Variants in EXT1 observed in about 807,000 individuals in gnomAD.
The protein encoded by EXT1 is exostosin-1.
Under a neutral mutation model 82.5 loss-of-function variants are expected in EXT1, and 20 were observed. The ratio of observed to expected loss-of-function variants is 0.24; its 90% CI spans 0.17 to 0.35. The LOEUF is 0.35. Among genes scored for constraint, EXT1 ranks in the 10% least tolerant of loss-of-function variants. The pLI is 1.00. For synonymous variants in EXT1, 348 were observed against 350.8 expected, an observed-to-expected ratio of 0.99 and a Z score of 0.09; for missense variants, 757 against 936.5, an observed-to-expected ratio of 0.81 and a Z score of 2.50.
intron 1 of EXT1, among the ~76,000 whole-genome samples, chr8:117,942,729 A>G (rs1482812909): frequency 6.6e-6 from 1 of 152,220 alleles, no homozygotes; most frequent in African/African-American, 2.4e-5. Context: ...CGAAAGAAAA[A>G]GAAAAAGAAG....
chr8:117,806,308 T>C (rs931099369), intron 9 of EXT1, among the ~76,000 whole-genome samples: 2 of 152,192 alleles, frequency 1.3e-5, no homozygotes, highest in African/African-American at 4.8e-5. Context: ...CCTCCTCCCC[T>C]GTCACTTAGA....
chr8:117,878,660 C>G (rs1379818695), intron 1 of EXT1, among the ~76,000 whole-genome samples: 1 of 152,224 alleles, frequency 6.6e-6, no homozygotes, highest in Non-Finnish European at 1.5e-5. Context: ...CTAGAACAAC[C>G]AATCTCTGCA....
chr8:118,028,172 T>C (rs1231530720), intron 1 of EXT1, among the ~76,000 whole-genome samples: 1 of 152,220 alleles, frequency 6.6e-6, no homozygotes, highest in Non-Finnish European at 1.5e-5. Flanking sequence ...ACGGGACAGA[T>C]GGCGAAAGTG....
chr8:117,846,982 T>C (rs1013201735), intron 1 of EXT1, among the ~76,000 whole-genome samples: 1 of 152,164 alleles, frequency 6.6e-6, no homozygotes. Flanking sequence ...GTGCTAACTC[T>C]CTATTGCTCA....
rs756701753 is a variant in EXT1 at position 117,830,275 on chromosome 8, C to T, written c.1239G>A (p.Glu413=). The change falls in exon 4 of 11, where the codon GAG becomes GAA. Residue 413 remains glutamate, a synonymous_variant. Transcript: ENST00000378204. ...ALRQQTQFLW[E]AYFSSVEKIV... Reference sequence around the variant, plus strand: ...TCTTCTCAACTGAAGAAAAATAAGCCTCCCACAAGAATTGTGTCTGCTGTC... The same window carrying T: ...TCTTCTCAACTGAAGAAAAATAAGCTTCCCACAAGAATTGTGTCTGCTGTC... 3 of 1,614,044 alleles carry T rather than the reference C, an allele frequency of 1.9e-6. No homozygotes were observed. The highest frequency in any genetic ancestry group is 8.5e-7 in the Non-Finnish European group (1 of 1,179,990).
chr8:118,025,444 T>C (rs17453854), intron 1 of EXT1, among the ~76,000 whole-genome samples: 50,079 of 152,014 alleles, frequency 0.33, 8,370 homozygotes, highest in South Asian at 0.45. Context: ...GAGAAGAGCT[T>C]GCTATTATTA....
intron 1 of EXT1, among the ~76,000 whole-genome samples, chr8:117,952,170 A>G (rs897400791): frequency 9.2e-5 from 14 of 152,214 alleles, no homozygotes; most frequent in Non-Finnish European, 2.1e-4. Context: ...CACCCAGCAC[A>G]CATCAGTCAT....
Position 117,799,588 on chromosome 8 carries a change from C to A in EXT1, c.*124G>T. Reference sequence around the variant, plus strand: ...TGGCCTTTTTTTTTTTGTCATTCTGCTCATCTAAGTTTTTGGATAGTTGGC... The same window carrying A: ...TGGCCTTTTTTTTTTTGTCATTCTGATCATCTAAGTTTTTGGATAGTTGGC... On this transcript the variant is annotated 3_prime_UTR_variant, in exon 11 of 11. Transcript: ENST00000378204. The A allele has an allele frequency of 9.2e-7, 1 of 1,086,784 alleles. No homozygotes were observed. 67.3% of individuals were successfully genotyped at this position (1,086,784 alleles called of 1,614,324 possible).
At chr8:117,948,826 G>T (rs1484683628) in intron 1 of EXT1, among the ~76,000 whole-genome samples, 1 of 152,206 alleles carries the variant, frequency 6.6e-6, no homozygotes, top group Non-Finnish European at 1.5e-5. Flanking sequence ...GGATGTGCTT[G>T]CATTCTTATG....
rs1168847747 is a variant in EXT1, at chr8:117,799,527, T to C, written c.*185A>G. 4.6e-6 allele frequency: 3 copies of C among 647,318 alleles called. No individual in the cohort carries two copies. Among genetic ancestry groups the C allele is most frequent in the East Asian group, 2.7e-5 (1 of 36,406 alleles). The allele number at this position is 647,318 out of a possible 1,614,324, so 40.1% of individuals were successfully genotyped here. ...CCAGTGAGGTGAGTTTGGAGCAGTC[T>C]GGTGCAGTCCCAGGAGCCAGGAGTT... On this transcript the variant is annotated 3_prime_UTR_variant, in exon 11 of 11. Transcript: ENST00000378204.
intron 1 of EXT1, among the ~76,000 whole-genome samples, chr8:118,086,451 T>C (rs1010027409): frequency 6.6e-6 from 1 of 152,236 alleles, no homozygotes; most frequent in South Asian, 2.1e-4. Context: ...TAAGGACTAA[T>C]TGCACATCCA....
chr8:117,998,976 A>T (rs1364170247), intron 1 of EXT1, among the ~76,000 whole-genome samples: 1 of 152,208 alleles, frequency 6.6e-6, no homozygotes, highest in Non-Finnish European at 1.5e-5. Flanking sequence ...TCATGTATAA[A>T]CACAAAGCCA....
intron 1 of EXT1, among the ~76,000 whole-genome samples, chr8:117,837,914 G>C (rs1812214480): frequency 6.6e-6 from 1 of 151,518 alleles, no homozygotes; most frequent in African/African-American, 2.4e-5. Flanking sequence ...CAGAAGAGAT[G>C]AATTTATTTT....
chr8:117,914,751 A>T (rs1259164364), intron 1 of EXT1, among the ~76,000 whole-genome samples: 2 of 152,158 alleles, frequency 1.3e-5, no homozygotes, highest in East Asian at 1.9e-4. Context: ...TTGTGGTCAG[A>T]CCGGTTCTCT....
chr8:118,075,547 A>G (rs1817192166), intron 1 of EXT1, among the ~76,000 whole-genome samples: 2 of 152,248 alleles, frequency 1.3e-5, no homozygotes, highest in East Asian at 3.9e-4. Context: ...GCAGTGGGTC[A>G]TTGTTCTGGG....
rs371334884 is a variant in EXT1, at chr8:117,814,521, AG to A, written c.1633-1561del. Reference sequence around the variant, plus strand: ...GAGGGAAACTGAGATACACAGGTTAAGTATCTTGCCCAAAACGGACCCAGGA... The same window carrying A: ...GAGGGAAACTGAGATACACAGGTTAATATCTTGCCCAAAACGGACCCAGGA... On this transcript the variant is annotated intron_variant, in intron 7 of 10. Coordinates refer to ENST00000378204, the MANE Select transcript of EXT1 (RefSeq NM_000127.3). Among the ~76,000 whole-genome samples the A allele has an allele frequency of 6.7e-3, 1,023 of 152,290 alleles. 17 individuals carry two copies. Among genetic ancestry groups the A allele is most frequent in the African/African-American group, 0.023 (976 of 41,560 alleles).
chr8:117,901,370 T>C (rs543780397), intron 1 of EXT1, among the ~76,000 whole-genome samples: 28 of 152,134 alleles, frequency 1.8e-4, no homozygotes, highest in Non-Finnish European at 3.7e-4. Flanking sequence ...ACAGTAAAAA[T>C]AGGATATAAA....
At chr8:117,911,006 C>T (rs1473534711) in intron 1 of EXT1, among the ~76,000 whole-genome samples, 6 of 152,080 alleles carry the variant, frequency 3.9e-5, no homozygotes, top group African/African-American at 7.2e-5. Context: ...ACTCTAGAGT[C>T]GAGCTGTCCA....
intron 1 of EXT1, among the ~76,000 whole-genome samples, chr8:118,076,757 T>C (rs978528273): frequency 8.5e-5 from 13 of 152,258 alleles, no homozygotes; most frequent in Non-Finnish European, 1.8e-4. Flanking sequence ...AGTAAATCAA[T>C]TACTTATTTT....
Sources: gnomAD v4.1 joint callset for allele counts (sites outside exome capture counted in the v4.1 genomes callset) on GRCh38, gnomAD v4.1.1 for gene constraint, MANE v1.5 for transcripts, NCBI Gene and HGNC (gene_info 2026-07-23, HGNC 2026-07-21) for gene names.